The following CUX1 variants were observed in gnomAD, a reference collection of about 807,000 sequenced individuals.
The protein encoded by CUX1 is cut like homeobox 1.
A neutral mutation model predicts 158.8 loss-of-function variants in CUX1; 31 were observed. The observed-to-expected ratio is 0.20, with a 90% CI of 0.15 to 0.26. The LOEUF (loss-of-function observed/expected upper bound fraction) is 0.26. Among genes scored for constraint, CUX1 ranks in the 10% least tolerant of loss-of-function variants. The probability of loss-of-function intolerance (pLI) is 1.00; values close to 1 mark genes in which losing one functional copy is unlikely to be tolerated. For missense variants in CUX1, 1,589 were observed against 2,014.6 expected (o/e 0.79, Z 4.04); for synonymous variants, 879 against 862.1 (o/e 1.02, Z -0.34).
intron 8 of CUX1, among the ~76,000 whole-genome samples, chr7:102,139,354 T>C (rs1247402303): frequency 6.6e-6 from 1 of 151,112 alleles, no homozygotes; most frequent in African/African-American, 2.4e-5. Context: ...AGTGGCTGAA[T>C]CCAATTTCCT....
intron 2 of CUX1, among the ~76,000 whole-genome samples, chr7:101,997,425 C>A (rs1443470391): frequency 6.6e-6 from 1 of 152,198 alleles, no homozygotes; most frequent in Non-Finnish European, 1.5e-5. Flanking sequence ...CTCACTGCAA[C>A]CTCCGCCTCT....
chr7:102,056,510 TTATAGCATGTTTTACTGAA>T (rs1825962333), intron 3 of CUX1, among the ~76,000 whole-genome samples: 1 of 152,188 alleles, frequency 6.6e-6, no homozygotes, highest in African/African-American at 2.4e-5. Flanking sequence ...CAGCATCTGT[TTATAGCATGTTTTACTGAA>T]TATTTTAAGC....
In CUX1 at chr7:102,043,327, G is replaced by A. The variant is rs1455746466; in HGVS notation, c.189+15182G>A. Among the ~76,000 whole-genome samples, 3 of 109,108 alleles carry A rather than the reference G, an allele frequency of 2.7e-5. No homozygotes were observed. In the South Asian group the frequency reaches 7.9e-4, roughly 29 times the overall value. The allele number at this position is 109,108 out of a possible 152,430, so 71.6% of individuals were successfully genotyped here. On this transcript the variant is annotated intron_variant, in intron 3 of 23. Transcript: ENST00000292535. ...GACAACATACCCATTAGCTCACTGT[G>A]TGTGTGTGTGTGTGTGTGTGTGTGT... is the stretch of plus-strand genomic sequence containing the variant.
At chr7:102,275,447 C>A in intron 17 of CUX1, 2 of 1,097,966 alleles carry the variant, frequency 1.8e-6, no homozygotes, top group Non-Finnish European at 2.7e-6. Context: ...AGATGTGGCA[C>A]AGACCGTAAA....
Position 102,200,256 on chromosome 7 carries a change from A to T in CUX1, c.2062+84A>T, listed in dbSNP as rs1795272259. ...GTGCTCTGGTCAGCAGTAATTAACT[A>T]TTTTTTTTTTAAACAATAATGAATG... is the stretch of plus-strand genomic sequence containing the variant. On this transcript the variant is annotated intron_variant, in intron 17 of 23. Transcript: ENST00000292535. 13 of 919,660 alleles carry T rather than the reference A, an allele frequency of 1.4e-5. 1 individual carries two copies. Among genetic ancestry groups the T allele is most frequent in the Middle Eastern group, 2.3e-4 (1 of 4,272 alleles). The allele number at this position is 919,660 out of a possible 1,614,324, so 57.0% of individuals were successfully genotyped here. A position where few individuals can be genotyped will look rare whatever the true frequency, so the allele number is the denominator to read the frequency against.
chr7:101,957,823 A>G (rs1809956215), intron 2 of CUX1, among the ~76,000 whole-genome samples: 1 of 152,176 alleles, frequency 6.6e-6, no homozygotes, highest in African/African-American at 2.4e-5. Flanking sequence ...AGTCTTTTTG[A>G]AAGACTCTTC....
chr7:101,924,763 G>A (rs1205495208), intron 2 of CUX1, among the ~76,000 whole-genome samples: 2 of 151,130 alleles, frequency 1.3e-5, no homozygotes, highest in Admixed American at 6.6e-5. Flanking sequence ...TTGTAGAGAT[G>A]GGGGTCTCAC....
intron 9 of CUX1, among the ~76,000 whole-genome samples, chr7:102,160,466 C>T (rs782319141): frequency 2.6e-5 from 4 of 152,104 alleles, no homozygotes; most frequent in Non-Finnish European, 5.9e-5. Flanking sequence ...ATGCACTTCT[C>T]AAGGTGCCAA....
At chr7:102,200,351 C>G (rs1461795797) in intron 17 of CUX1, among the ~76,000 whole-genome samples, 179 bp downstream of exon 17, 1 of 151,268 alleles carries the variant, frequency 6.6e-6, no homozygotes, top group African/African-American at 2.4e-5. Flanking sequence ...TAATAGTTAC[C>G]TTTTTTTTTG....
intron 1 of CUX1, among the ~76,000 whole-genome samples, chr7:101,837,184 A>G (rs1390692144): frequency 6.6e-6 from 1 of 152,200 alleles, no homozygotes; most frequent in Non-Finnish European, 1.5e-5. Context: ...TGAGGAGGAC[A>G]TATGTCCTCT....
At chr7:102,130,713 G>A (rs1329370274) in intron 8 of CUX1, among the ~76,000 whole-genome samples, 1 of 152,048 alleles carries the variant, frequency 6.6e-6, no homozygotes, top group African/African-American at 2.4e-5. Context: ...GAGAATCCTT[G>A]CTATCCAAAT....
intron 1 of CUX1, among the ~76,000 whole-genome samples, chr7:101,834,482 A>G (rs1794412581): frequency 6.6e-6 from 1 of 152,040 alleles, no homozygotes; most frequent in South Asian, 2.1e-4. Flanking sequence ...CTTATTTTCT[A>G]TTTTTAAAGA....
At chr7:101,904,727 C>T (rs1802559364) in intron 1 of CUX1, among the ~76,000 whole-genome samples, 3 of 152,070 alleles carry the variant, frequency 2.0e-5, no homozygotes, top group African/African-American at 4.8e-5. Flanking sequence ...CACCACCACA[C>T]CCAGCTAATT....
At chr7:102,034,061 G>T (rs758638105) in intron 3 of CUX1, among the ~76,000 whole-genome samples, 2 of 127,636 alleles carry the variant, frequency 1.6e-5, no homozygotes, top group African/African-American at 6.0e-5. Flanking sequence ...CAGGAGAATC[G>T]CTTAAACCCA....
intron 8 of CUX1, among the ~76,000 whole-genome samples, chr7:102,132,940 G>A (rs1833484943): frequency 6.6e-6 from 1 of 151,798 alleles, no homozygotes; most frequent in Admixed American, 6.6e-5. Context: ...CAAAGTGCTG[G>A]GATTACAGGC....
chr7:102,229,341 C>T (rs1326402763), intron 21 of CUX1, among the ~76,000 whole-genome samples: 4 of 148,134 alleles, frequency 2.7e-5, no homozygotes, highest in African/African-American at 7.5e-5. Flanking sequence ...CTCACTCTGT[C>T]GCCCAGGCTG....
intron 20 of CUX1, among the ~76,000 whole-genome samples, chr7:102,226,300 C>A (rs1798341375): frequency 1.3e-5 from 2 of 152,210 alleles, no homozygotes; most frequent in African/African-American, 4.8e-5. Flanking sequence ...CAGAAGCAGG[C>A]AGAACCAGCA....
At chr7:102,134,134 G>A (rs1438446784) in intron 8 of CUX1, among the ~76,000 whole-genome samples, 1 of 152,116 alleles carries the variant, frequency 6.6e-6, no homozygotes, top group African/African-American at 2.4e-5. Context: ...TCAGGTGTTC[G>A]AGGCCAGTCT....
chr7:102,283,293 G>A (rs1394801193), exon 23 of CUX1: 4 of 584,948 alleles, frequency 6.8e-6, no homozygotes, highest in South Asian at 2.0e-5. Context: ...TCCAGAGAGC[G>A]AGCCCCCAAT....
Sources: gnomAD v4.1 joint callset for allele counts (sites outside exome capture counted in the v4.1 genomes callset) on GRCh38, gnomAD v4.1.1 for gene constraint, MANE v1.5 for transcripts, NCBI Gene and HGNC (gene_info 2026-07-23, HGNC 2026-07-21) for gene names.